AHCYL2: variants seen among roughly 807,000 people sequenced by gnomAD.
The protein encoded by AHCYL2 is S-adenosylhomocysteine hydrolase-like protein 2.
Under a neutral mutation model 81.4 loss-of-function variants are expected in AHCYL2, and 28 were observed. That is an observed-to-expected ratio of 0.34 (90% confidence interval 0.25 to 0.47). The LOEUF is 0.47. Ranked by LOEUF, AHCYL2 falls within the 20% of genes least tolerant of loss-of-function variation. The pLI is 1.00. For synonymous variants in AHCYL2, 272 were observed against 290.2 expected, an observed-to-expected ratio of 0.94 and a Z score of 0.64; for missense variants, 551 against 785.1, an observed-to-expected ratio of 0.70 and a Z score of 3.56.
intron 1 of AHCYL2, among the ~76,000 whole-genome samples, chr7:129,282,181 G>A (rs182853323): frequency 5.2e-4 from 79 of 152,014 alleles, no homozygotes; most frequent in Non-Finnish European, 8.5e-4. Flanking sequence ...TATATGCACT[G>A]AAAAAATATT....
intron 1 of AHCYL2, among the ~76,000 whole-genome samples, chr7:129,277,029 A>G (rs1001900058): frequency 6.6e-6 from 1 of 152,176 alleles, no homozygotes; most frequent in Non-Finnish European, 1.5e-5. Flanking sequence ...AATTGACTCA[A>G]GGAGGAATAC....
At position 129,244,251 on chromosome 7, in the gene AHCYL2, A is replaced by G. The variant is rs572761521; in HGVS notation, c.363+18812A>G. Among the ~76,000 whole-genome samples the G allele has an allele frequency of 2.6e-4, 38 of 148,148 alleles. No individual in the cohort carries two copies. In the South Asian group the frequency reaches 8.0e-3, roughly 31 times the overall value. The stretch of plus-strand genomic sequence containing the variant: ...ATTCCTGGGCTCAAGCAATCCTTCA[A>G]CCTTGGCCTTTCAAAATGCTGGAAT... On this transcript the variant is annotated intron_variant, in intron 1 of 16. Coordinates refer to ENST00000325006, the MANE Select transcript of AHCYL2 (RefSeq NM_015328.4).
At chr7:129,319,791 A>G (rs68076553) in intron 1 of AHCYL2, among the ~76,000 whole-genome samples, 37,737 of 152,202 alleles carry the variant, frequency 0.25, 4,738 homozygotes, top group South Asian at 0.37. Context: ...ATATACTGCA[A>G]TTTGTTATCA....
intron 1 of AHCYL2, among the ~76,000 whole-genome samples, chr7:129,338,903 T>G (rs1396654664): frequency 6.6e-6 from 1 of 152,236 alleles, no homozygotes; most frequent in African/African-American, 2.4e-5. Flanking sequence ...ATAGGCCCTG[T>G]CCACTTTACG....
chr7:129,414,504 T>C (rs1796752032), intron 12 of AHCYL2, among the ~76,000 whole-genome samples: 1 of 140,072 alleles, frequency 7.1e-6, no homozygotes, highest in Non-Finnish European at 1.5e-5. Flanking sequence ...TACTGCAACC[T>C]CTGCCTCCTG....
At chr7:129,351,087 A>C (rs1793548040) in intron 1 of AHCYL2, among the ~76,000 whole-genome samples, 1 of 152,186 alleles carries the variant, frequency 6.6e-6, no homozygotes, top group South Asian at 2.1e-4. Flanking sequence ...CTAGAATATT[A>C]TTAAATTCTA....
intron 1 of AHCYL2, among the ~76,000 whole-genome samples, chr7:129,327,545 C>T (rs1218946322): frequency 6.6e-6 from 1 of 152,090 alleles, no homozygotes; most frequent in African/African-American, 2.4e-5. Context: ...TGGCTTACTG[C>T]AACCTCTGCC....
intron 1 of AHCYL2, among the ~76,000 whole-genome samples, chr7:129,353,398 G>C (rs1174884839): frequency 6.6e-6 from 1 of 151,788 alleles, no homozygotes; most frequent in Non-Finnish European, 1.5e-5. Flanking sequence ...CTTTCATATA[G>C]CAAGCTTTCT....
chr7:129,283,159 C>T (rs1001773561), intron 1 of AHCYL2, among the ~76,000 whole-genome samples: 2 of 152,168 alleles, frequency 1.3e-5, no homozygotes, highest in African/African-American at 4.8e-5. Context: ...GTACTCCATC[C>T]TGCACACTGT....
intron 1 of AHCYL2, among the ~76,000 whole-genome samples, chr7:129,253,737 A>G (rs1423208874): frequency 6.6e-6 from 1 of 152,200 alleles, no homozygotes; most frequent in African/African-American, 2.4e-5. Context: ...TCAGCCTTCC[A>G]AAGTGCTGGG....
intron 1 of AHCYL2, among the ~76,000 whole-genome samples, chr7:129,307,839 G>A (rs1004479203): frequency 2.0e-5 from 3 of 151,802 alleles, no homozygotes; most frequent in Non-Finnish European, 2.9e-5. Context: ...ATCCTGCCAG[G>A]ACTGTTTCCC....
At chr7:129,413,711 TG>T in intron 12 of AHCYL2, 23 bp downstream of exon 12, 1 of 1,602,060 alleles carries the variant, frequency 6.2e-7, no homozygotes, top group Non-Finnish European at 8.6e-7. Context: ...AGCTCATTAT[TG>T]GGGGCTTTTT....
intron 1 of AHCYL2, among the ~76,000 whole-genome samples, chr7:129,324,183 C>T (rs1467345128): frequency 6.6e-6 from 1 of 151,660 alleles, no homozygotes; most frequent in Admixed American, 6.6e-5. Context: ...GTGCCCTGCC[C>T]AGCTTTCTTT....
At chr7:129,333,681 T>C (rs995133706) in intron 1 of AHCYL2, among the ~76,000 whole-genome samples, 3 of 152,202 alleles carry the variant, frequency 2.0e-5, no homozygotes, top group Non-Finnish European at 4.4e-5. Flanking sequence ...CAGCATCAGA[T>C]ACACCAATCC....
chr7:129,429,948 A>G lies in AHCYL2; in HGVS notation c.*2903A>G, dbSNP rs996402112. On this transcript the variant is annotated 3_prime_UTR_variant, in exon 17 of 17. Coordinates refer to ENST00000325006, the MANE Select transcript of AHCYL2 (RefSeq NM_015328.4). ...ATTGTTGCATTAAGCTTTTTCAATA[A>G]AGGAAAATTACGGAAGGAAAATAGG... 2.6e-5 allele frequency: 4 copies of G among 152,328 alleles called. No individual in the cohort carries two copies. The highest frequency in any genetic ancestry group is 9.7e-5 in the African/African-American group (4 of 41,382). The allele number at this position is 152,328 out of a possible 1,614,324, so 9.4% of individuals were successfully genotyped here. A position where few individuals can be genotyped will look rare whatever the true frequency, so the allele number is the denominator to read the frequency against.
At chr7:129,234,236 G>A (rs1339857281) in intron 1 of AHCYL2, among the ~76,000 whole-genome samples, 2 of 151,898 alleles carry the variant, frequency 1.3e-5, no homozygotes, top group African/African-American at 2.4e-5. Context: ...TGACTTTCTT[G>A]TAGAGATGGG....
intron 1 of AHCYL2, among the ~76,000 whole-genome samples, chr7:129,302,982 C>CA (rs1241761158): frequency 2.0e-5 from 3 of 152,010 alleles, no homozygotes; most frequent in African/African-American, 7.2e-5. Context: ...CATTGGGTCC[C>CA]AAGCTTTTCT....
intron 1 of AHCYL2, among the ~76,000 whole-genome samples, chr7:129,379,279 C>CA (rs200168015): frequency 0.021 from 1,406 of 68,240 alleles, 22 homozygotes; most frequent in African/African-American, 0.057. Context: ...AAGTCCATCT[C>CA]AAAAAAAAAA....
At chr7:129,291,108 A>C (rs1354312589) in intron 1 of AHCYL2, among the ~76,000 whole-genome samples, 1 of 152,160 alleles carries the variant, frequency 6.6e-6, no homozygotes, top group Non-Finnish European at 1.5e-5. Flanking sequence ...AGTAACATTT[A>C]AAAGCCACCT....
Sources: allele counts gnomAD v4.1 joint callset (sites outside exome capture counted in the v4.1 genomes callset), GRCh38; gene constraint gnomAD v4.1.1; transcripts MANE v1.5; gene names NCBI Gene and HGNC (gene_info 2026-07-23, HGNC 2026-07-21).